EPB41L5: variants seen among roughly 807,000 people sequenced by gnomAD.
EPB41L5 encodes erythrocyte membrane protein band 4.1 like 5.
EPB41L5 carries 55 observed loss-of-function variants against 106.6 expected under a neutral mutation model. The ratio of observed to expected loss-of-function variants is 0.52; its 90% CI spans 0.42 to 0.65. The LOEUF is 0.65. Ranked by LOEUF, EPB41L5 falls within the 30% of genes least tolerant of loss-of-function variation. The pLI is 0.00. For synonymous variants in EPB41L5, 297 were observed against 306.7 expected (o/e 0.97, Z 0.33); for missense variants, 871 against 882.1 (o/e 0.99, Z 0.16).
chr2:120,092,350 A>C (rs1408801484), intron 13 of EPB41L5, among the ~76,000 whole-genome samples: 1 of 152,076 alleles, frequency 6.6e-6, no homozygotes, highest in Non-Finnish European at 1.5e-5. Flanking sequence ...AATTTTTTTT[A>C]AGTAAAATTT....
At chr2:120,015,514 G>T (rs890582955) in intron 1 of EPB41L5, among the ~76,000 whole-genome samples, 6 of 152,080 alleles carry the variant, frequency 3.9e-5, no homozygotes, top group Non-Finnish European at 7.3e-5. Flanking sequence ...GTTTACGTGT[G>T]TGTCTGTTTA....
intron 3 of EPB41L5, among the ~76,000 whole-genome samples, chr2:120,048,572 C>T (rs772271666): frequency 6.6e-6 from 1 of 151,694 alleles, no homozygotes; most frequent in Non-Finnish European, 1.5e-5. Context: ...AGCGGTCTGT[C>T]AATTTTGTTG....
At chr2:120,018,991 G>A (rs1416306773) in intron 1 of EPB41L5, 86 bp from the exon 2 acceptor site, 1 of 1,194,666 alleles carries the variant, frequency 8.4e-7, no homozygotes, top group Non-Finnish European at 1.2e-6. Flanking sequence ...CACAGGACTT[G>A]ACTAAATAAT....
At position 120,152,809 on chromosome 2, in the gene EPB41L5, C is replaced by T. The variant is rs114312138; in HGVS notation, c.1793+6520C>T. Among the ~76,000 whole-genome samples, 627 of 152,282 alleles carry T rather than the reference C, an allele frequency of 4.1e-3. 2 individuals are homozygous for T. Among genetic ancestry groups the T allele is most frequent in the Non-Finnish European group, 6.5e-3 (442 of 68,014 alleles). ...GTAAGTCTATTCAGATTTTCCATTT[C>T]GTCTTAAGTCAGTTTTGGTAATTTG... On this transcript the variant is annotated intron_variant, in intron 20 of 24. Coordinates refer to ENST00000263713, the MANE Select transcript of EPB41L5 (RefSeq NM_020909.4).
chr2:120,083,383 A>T (rs1682821869), intron 10 of EPB41L5, among the ~76,000 whole-genome samples: 1 of 152,162 alleles, frequency 6.6e-6, no homozygotes. Context: ...ATTCAGGAGC[A>T]AGTTGTTCAT....
Position 120,158,912 on chromosome 2 carries a change from T to C in EPB41L5, c.1794-1969T>C, listed in dbSNP as rs145108293. Among the ~76,000 whole-genome samples the C allele has an allele frequency of 5.1e-4, 78 of 152,308 alleles. No homozygotes were observed. In the East Asian group the frequency reaches 0.013, roughly 25 times the overall value. On this transcript the variant is annotated intron_variant, in intron 20 of 24. Transcript: ENST00000263713. ...AAAGTCTAAGGATACAAAATCAGTG[T>C]ACAAAAATCACTAGCATTCCTATAC...
intron 3 of EPB41L5, among the ~76,000 whole-genome samples, chr2:120,065,515 C>CTTTTTT (rs11373500): frequency 2.9e-5 from 4 of 139,936 alleles, no homozygotes; most frequent in Non-Finnish European, 6.1e-5. Flanking sequence ...TTAGATTGTT[C>CTTTTTT]TTTTTTTTTT....
At chr2:120,122,868 TC>T (rs1685288565) in intron 16 of EPB41L5, among the ~76,000 whole-genome samples, 1 of 152,196 alleles carries the variant, frequency 6.6e-6, no homozygotes, top group African/African-American at 2.4e-5. Flanking sequence ...GGTTTGTAGT[TC>T]TCCTTGAAGA....
chr2:120,074,264 T>C, intron 5 of EPB41L5, 86 bp downstream of exon 5: 1 of 985,478 alleles, frequency 1.0e-6, no homozygotes, highest in Non-Finnish European at 1.5e-6. Context: ...TATAGCCAGC[T>C]AATAAAATGG....
intron 18 of EPB41L5, among the ~76,000 whole-genome samples, chr2:120,134,193 C>A (rs1685824080): frequency 6.6e-6 from 1 of 151,808 alleles, no homozygotes; most frequent in Non-Finnish European, 1.5e-5. Context: ...TGGGGAGAGA[C>A]ACCTTCTGCT....
intron 2 of EPB41L5, among the ~76,000 whole-genome samples, chr2:120,028,965 C>G (rs1190679052): frequency 2.0e-5 from 3 of 152,096 alleles, no homozygotes; most frequent in Non-Finnish European, 4.4e-5. Context: ...TTTTGGACCT[C>G]TTACAGTCCC....
At chr2:120,127,880 G>T in intron 17 of EPB41L5, 29 bp downstream of exon 17, 2 of 1,510,896 alleles carry the variant, frequency 1.3e-6, no homozygotes, top group Non-Finnish European at 1.8e-6. Context: ...ATACATCAGT[G>T]ATACCTTTTT....
intron 2 of EPB41L5, among the ~76,000 whole-genome samples, chr2:120,031,885 C>T (rs1678734658): frequency 1.3e-5 from 2 of 152,112 alleles, no homozygotes; most frequent in African/African-American, 4.8e-5. Flanking sequence ...TCTGTTATCC[C>T]AGCACCTTGG....
chr2:120,030,315 A>C (rs972960640), intron 2 of EPB41L5, among the ~76,000 whole-genome samples: 2 of 152,156 alleles, frequency 1.3e-5, no homozygotes, highest in Non-Finnish European at 1.5e-5. Context: ...AACTTCCCCA[A>C]ATTGCTCCTG....
intron 24 of EPB41L5, among the ~76,000 whole-genome samples, chr2:120,169,691 TAA>T (rs3059168): frequency 2.8e-4 from 43 of 152,290 alleles, no homozygotes; most frequent in Admixed American, 5.9e-4. Context: ...CTAGAATTTA[TAA>T]AGAGTTCCTC....
intron 20 of EPB41L5, among the ~76,000 whole-genome samples, chr2:120,153,937 TTC>T (rs1345463381): frequency 6.6e-6 from 1 of 152,164 alleles, no homozygotes; most frequent in Non-Finnish European, 1.5e-5. Context: ...TTTTAAAAAA[TTC>T]TTTCTGCCAC....
At chr2:120,055,876 A>T (rs191281819) in intron 3 of EPB41L5, among the ~76,000 whole-genome samples, 1 of 152,298 alleles carries the variant, frequency 6.6e-6, no homozygotes, top group Admixed American at 6.5e-5. Flanking sequence ...GTCATCTGCA[A>T]AAAGATGGTT....
chr2:120,051,243 GC>G (rs1359153319), intron 3 of EPB41L5, among the ~76,000 whole-genome samples: 1 of 152,194 alleles, frequency 6.6e-6, no homozygotes, highest in Non-Finnish European at 1.5e-5. Flanking sequence ...GCTATGCCCT[GC>G]CCCCAGAGGT....
chr2:120,161,239 A>T (rs1276926022), intron 21 of EPB41L5, among the ~76,000 whole-genome samples: 2 of 152,150 alleles, frequency 1.3e-5, no homozygotes, highest in African/African-American at 4.8e-5. Context: ...TAAGCTGGGC[A>T]TGGTGGCATG....
Sources: gnomAD v4.1 joint callset for allele counts (sites outside exome capture counted in the v4.1 genomes callset) on GRCh38, gnomAD v4.1.1 for gene constraint, MANE v1.5 for transcripts, NCBI Gene and HGNC (gene_info 2026-07-23, HGNC 2026-07-21) for gene names.